C6orf52: variants seen among roughly 807,000 people sequenced by gnomAD.
C6orf52 encodes the protein chromosome 6 open reading frame 52.
A neutral mutation model predicts 16.6 loss-of-function variants in C6orf52; 16 were observed. That is an observed-to-expected ratio of 0.96 (90% CI 0.65 to 1.46). C6orf52 has a LOEUF of 1.46. C6orf52 is among the 40% of genes most tolerant of loss of function. The pLI is 0.00. For synonymous variants in C6orf52, 53 were observed against 61.4 expected (o/e 0.86, Z 0.64); for missense variants, 166 against 182.3 (o/e 0.91, Z 0.52).
intron 3 of C6orf52, among the ~76,000 whole-genome samples, chr6:10,685,295 G>A (rs1768777560): frequency 6.8e-6 from 1 of 146,944 alleles, no homozygotes; most frequent in African/African-American, 2.5e-5. Flanking sequence ...TGTAGTGAAA[G>A]ATTTTTTTTT....
chr6:10,686,534 T>A (rs1768881346), intron 3 of C6orf52, among the ~76,000 whole-genome samples: 1 of 152,216 alleles, frequency 6.6e-6, no homozygotes, highest in Non-Finnish European at 1.5e-5. Context: ...TGTGTTTATG[T>A]CCAACTGCTA....
upstream of C6orf52, chr6:10,694,630 C>CAAACAA: frequency 5.0e-6 from 1 of 199,052 alleles, no homozygotes; most frequent in South Asian, 8.0e-5. Flanking sequence ...CCCACCTCCT[C>CAAACAA]CTGATGTCAC....
intron 4 of C6orf52, among the ~76,000 whole-genome samples, chr6:10,680,056 C>T (rs972976289): frequency 6.6e-6 from 1 of 152,108 alleles, no homozygotes; most frequent in Non-Finnish European, 1.5e-5. Context: ...AGTTCAAGAC[C>T]AGCTTGGGCA....
At chr6:10,681,448 A>G (rs977319039) in intron 4 of C6orf52, among the ~76,000 whole-genome samples, 1 of 151,830 alleles carries the variant, frequency 6.6e-6, no homozygotes, top group Non-Finnish European at 1.5e-5. Flanking sequence ...AGTCTTTATT[A>G]TTTCTTTTCT....
At chr6:10,681,048 C>T (rs1266500069) in intron 4 of C6orf52, among the ~76,000 whole-genome samples, 1 of 152,230 alleles carries the variant, frequency 6.6e-6, no homozygotes, top group Non-Finnish European at 1.5e-5. Context: ...ATGATCCTCC[C>T]CTATTAGCCT....
In C6orf52 at chr6:10,671,482, C is replaced by A. The variant is rs1015089377; in HGVS notation, c.433G>T (p.Glu145Ter). 3 of 1,546,438 alleles carry A rather than the reference C, an allele frequency of 1.9e-6. No homozygotes were observed. The highest frequency in any genetic ancestry group is 2.6e-6 in the Non-Finnish European group (3 of 1,145,630). The change falls in exon 5 of 5, where the codon GAA (glutamate) becomes TAA (stop). Residue 145 changes from glutamate (E) to a stop codon, truncating the protein, a stop_gained. Coordinates refer to ENST00000259983, the MANE Select transcript of C6orf52 (RefSeq NM_001145020.3). LOFTEE classifies it high-confidence loss of function. ...HWQPLDTVHSEIPDETPK is the reference protein window; with the variant it reads ...HWQPLDTVHS ...CACTTCGGGGTCTCATCTGGGATTT[C>A]GGAGTGAACTGTGTCCAGAGGCTGC...
chr6:10,671,876 A>G (rs760650616), intron 4 of C6orf52, among the ~76,000 whole-genome samples: 2 of 152,192 alleles, frequency 1.3e-5, no homozygotes, highest in East Asian at 1.9e-4. Flanking sequence ...GATGGATTCA[A>G]TTTGGGAGGA....
chr6:10,680,992 A>G (rs945901885), intron 4 of C6orf52, among the ~76,000 whole-genome samples: 10 of 152,180 alleles, frequency 6.6e-5, no homozygotes, highest in African/African-American at 2.4e-4. Context: ...TGTAGAGACA[A>G]GGTCTCACTG....
At chr6:10,685,247 GA>G (rs34615421) in intron 3 of C6orf52, among the ~76,000 whole-genome samples, 999 of 73,006 alleles carry the variant, frequency 0.014, 7 homozygotes, top group Middle Eastern at 0.031. Context: ...AGGGGCAAAA[GA>G]AAAAAAAAAA....
chr6:10,672,768 A>C (rs1337099892), intron 4 of C6orf52: 1 of 528,664 alleles, frequency 1.9e-6, no homozygotes, highest in Admixed American at 3.4e-5. Flanking sequence ...CCAAGAAGAG[A>C]GCCCTCGCCA....
intron 4 of C6orf52, among the ~76,000 whole-genome samples, chr6:10,678,170 A>T (rs1414221139): frequency 3.6e-5 from 5 of 139,712 alleles, no homozygotes; most frequent in Admixed American, 3.0e-4. Context: ...TGGGCAACAG[A>T]GTGAGACTGT....
At chr6:10,676,975 ACT>A (rs1767954180) in intron 4 of C6orf52, among the ~76,000 whole-genome samples, 1 of 151,936 alleles carries the variant, frequency 6.6e-6, no homozygotes, top group Non-Finnish European at 1.5e-5. Context: ...GTCTGTCTTC[ACT>A]CTGTTACTGT....
chr6:10,683,124 G>A (rs1581549851), intron 4 of C6orf52, 63 bp downstream of exon 4: 1 of 1,113,710 alleles, frequency 9.0e-7, no homozygotes, highest in Non-Finnish European at 1.3e-6. Flanking sequence ...AGCAAGCTGA[G>A]TGAATGAGAA....
chr6:10,686,843 A>G (rs1768903748), intron 3 of C6orf52, 123 bp downstream of exon 3: 1 of 697,224 alleles, frequency 1.4e-6, no homozygotes, highest in Admixed American at 3.2e-5. Flanking sequence ...GTATTAAAAC[A>G]GGTAGCAAAA....
At chr6:10,693,765 G>A (rs544745335) in intron 1 of C6orf52, among the ~76,000 whole-genome samples, 3 of 152,154 alleles carry the variant, frequency 2.0e-5, no homozygotes, top group East Asian at 1.9e-4. Flanking sequence ...GGCCTGGCTC[G>A]TCCCCCAGAC....
intron 1 of C6orf52, among the ~76,000 whole-genome samples, chr6:10,690,771 ACT>A (rs1769221206): frequency 6.6e-6 from 1 of 152,224 alleles, no homozygotes; most frequent in South Asian, 2.1e-4. Context: ...TGTTTAATGA[ACT>A]CTCAACATTG....
In C6orf52 at chr6:10,694,607, G is replaced by GAT; in HGVS notation, c.-126_-125insAT. ...CGGCGCTACAGCCCCTAAGCAACCG[G>GAT]CCGGAAGTCGGCCCCACCTCCTCCT... On this transcript the variant is annotated 5_prime_UTR_variant, in exon 1 of 5. Transcript: ENST00000259983. 1.0e-5 allele frequency: 2 copies of GAT among 197,414 alleles called. No homozygotes were observed. The highest frequency in any genetic ancestry group is 2.2e-5 in the Non-Finnish European group (2 of 92,826). The allele number at this position is 197,414 out of a possible 1,614,324, so 12.2% of individuals were successfully genotyped here. A position where few individuals can be genotyped will look rare whatever the true frequency, so the allele number is the denominator to read the frequency against.
chr6:10,693,489 T>TA (rs1162668183), intron 1 of C6orf52, among the ~76,000 whole-genome samples: 2 of 152,184 alleles, frequency 1.3e-5, no homozygotes, highest in African/African-American at 2.4e-5. Flanking sequence ...TAACACGTAC[T>TA]AACAATTCAG....
upstream of C6orf52, chr6:10,694,851 A>T (rs1422538204): frequency 7.8e-6 from 5 of 640,096 alleles, no homozygotes; most frequent in Non-Finnish European, 1.4e-5. Context: ...ACTTAAAGGC[A>T]GCCCTGGAGC....
Sources: allele counts gnomAD v4.1 joint callset (sites outside exome capture counted in the v4.1 genomes callset), GRCh38; gene constraint gnomAD v4.1.1; transcripts MANE v1.5; gene names NCBI Gene and HGNC (gene_info 2026-07-23, HGNC 2026-07-21).